Variants in RPS6KC1 observed in about 807,000 individuals in gnomAD.
The protein encoded by RPS6KC1 is inactive ribosomal protein S6 kinase delta-1.
Under a neutral mutation model 103.8 loss-of-function variants are expected in RPS6KC1, and 54 were observed. The observed-to-expected ratio is 0.52, with a 90% CI of 0.42 to 0.65. The LOEUF is 0.65. Ranked by LOEUF, RPS6KC1 falls within the 30% of genes least tolerant of loss-of-function variation. The pLI, the probability that RPS6KC1 is intolerant of heterozygous loss-of-function variation, is 0.00. For missense variants in RPS6KC1, 1,151 were observed against 1,253.8 expected, an observed-to-expected ratio of 0.92 and a Z score of 1.24; for synonymous variants, 439 against 438.7, an observed-to-expected ratio of 1.00 and a Z score of -0.01.
the RPS6KC1 span, among the ~76,000 whole-genome samples, chr1:213,314,648 C>T: frequency 6.7e-6 from 1 of 149,398 alleles, no homozygotes; most frequent in Non-Finnish European, 1.5e-5. Context: ...CTTTTTGGAC[C>T]ACGGTGGCTT....
intron 4 of RPS6KC1, among the ~76,000 whole-genome samples, chr1:213,109,102 C>T: frequency 6.6e-6 from 1 of 152,014 alleles, no homozygotes; most frequent in Non-Finnish European, 1.5e-5. Flanking sequence ...ATCTTGCAAT[C>T]CATGAAAATG....
chr1:213,562,389 T>G, the RPS6KC1 span, among the ~76,000 whole-genome samples: 3 of 96,106 alleles, frequency 3.1e-5, no homozygotes, highest in Non-Finnish European at 4.0e-5. Context: ...TTTTTTTTTT[T>G]TTTTTTTTTT....
At chr1:213,603,926 A>G in the RPS6KC1 span, among the ~76,000 whole-genome samples, 1 of 152,146 alleles carries the variant, frequency 6.6e-6, no homozygotes, top group Non-Finnish European at 1.5e-5. Flanking sequence ...CACTCCACCC[A>G]TAATTGTTGA....
At chr1:213,667,367 C>T in the RPS6KC1 span, among the ~76,000 whole-genome samples, 1 of 152,002 alleles carries the variant, frequency 6.6e-6, no homozygotes, top group Non-Finnish European at 1.5e-5. Flanking sequence ...TTTTGGCTTC[C>T]CAGTACATAT....
At chr1:213,556,305 TG>T in the RPS6KC1 span, among the ~76,000 whole-genome samples, 2 of 152,232 alleles carry the variant, frequency 1.3e-5, no homozygotes, top group African/African-American at 4.8e-5. Context: ...GGGATTTATC[TG>T]TATTTATTTA....
chr1:213,702,851 T>TGTTTG, the RPS6KC1 span, among the ~76,000 whole-genome samples: 4 of 151,348 alleles, frequency 2.6e-5, no homozygotes, highest in South Asian at 6.3e-4. Context: ...TTGAGGTTTT[T>TGTTTG]TTTGTTTGTT....
the RPS6KC1 span, among the ~76,000 whole-genome samples, chr1:213,374,738 C>G: frequency 6.6e-6 from 1 of 152,148 alleles, no homozygotes; most frequent in Admixed American, 6.5e-5. Context: ...GATAATGAAT[C>G]ACTAGAGATC....
chr1:213,541,038 G>A, the RPS6KC1 span, among the ~76,000 whole-genome samples: 86,324 of 150,450 alleles, frequency 0.57, 27,039 homozygotes, highest in Non-Finnish European at 0.7. Flanking sequence ...TACCACATCC[G>A]CAGGTCCTTC....
At chr1:213,144,751 G>A (rs956992642) in intron 6 of RPS6KC1, among the ~76,000 whole-genome samples, 1 of 151,970 alleles carries the variant, frequency 6.6e-6, no homozygotes, top group Non-Finnish European at 1.5e-5. Flanking sequence ...CAACACATAT[G>A]TAATCCTGAA....
chr1:213,330,602 A>AGTTGGTG, the RPS6KC1 span, among the ~76,000 whole-genome samples: 1 of 152,152 alleles, frequency 6.6e-6, no homozygotes, highest in Non-Finnish European at 1.5e-5. Flanking sequence ...AGAGGAGGGA[A>AGTTGGTG]GTTGGTGTTA....
At chr1:213,350,094 A>G in the RPS6KC1 span, among the ~76,000 whole-genome samples, 1 of 152,152 alleles carries the variant, frequency 6.6e-6, no homozygotes, top group Admixed American at 6.5e-5. Context: ...ACAGGATGGC[A>G]TGTTACTTCA....
chr1:213,379,233 C>A, the RPS6KC1 span, among the ~76,000 whole-genome samples: 1 of 152,246 alleles, frequency 6.6e-6, no homozygotes, highest in South Asian at 2.1e-4. Context: ...ATGATGAAGT[C>A]CTAATCCCCG....
the RPS6KC1 span, among the ~76,000 whole-genome samples, chr1:213,431,918 A>G: frequency 2.6e-5 from 4 of 152,268 alleles, no homozygotes; most frequent in Non-Finnish European, 5.9e-5. Context: ...CCAGTTGACA[A>G]CAGCAAGGTA....
intron 8 of RPS6KC1, among the ~76,000 whole-genome samples, chr1:213,188,437 A>T (rs1459770911): frequency 2.0e-5 from 3 of 151,110 alleles, no homozygotes; most frequent in African/African-American, 7.3e-5. Context: ...TTTTTTTCTT[A>T]CTTCTCCACG....
chr1:213,772,666 G>A, the RPS6KC1 span, among the ~76,000 whole-genome samples: 6,134 of 148,344 alleles, frequency 0.041, 169 homozygotes, highest in Middle Eastern at 0.083. Context: ...CAGGGAGAAC[G>A]GTTGGGCACC....
chr1:213,726,325 T>C, the RPS6KC1 span, among the ~76,000 whole-genome samples: 2 of 152,224 alleles, frequency 1.3e-5, no homozygotes, highest in Non-Finnish European at 2.9e-5. Context: ...CCCTCCTTCC[T>C]TGGCCTCACA....
the RPS6KC1 span, among the ~76,000 whole-genome samples, chr1:213,291,049 G>A: frequency 6.6e-6 from 1 of 152,134 alleles, no homozygotes; most frequent in Non-Finnish European, 1.5e-5. Context: ...TGGCTCCCAG[G>A]CAAGTTCTTT....
the RPS6KC1 span, among the ~76,000 whole-genome samples, chr1:213,321,310 C>T: frequency 3.3e-5 from 5 of 152,082 alleles, no homozygotes; most frequent in African/African-American, 7.2e-5. Flanking sequence ...CAATTCCCAC[C>T]GTATATTTTG....
At chr1:213,173,912 A>G (rs1278889794) in intron 7 of RPS6KC1, among the ~76,000 whole-genome samples, 1 of 152,118 alleles carries the variant, frequency 6.6e-6, no homozygotes, top group Non-Finnish European at 1.5e-5. Flanking sequence ...AAAGTGAACA[A>G]ATAACTTTCT....
Sources: allele counts gnomAD v4.1 joint callset (sites outside exome capture counted in the v4.1 genomes callset), GRCh38; gene constraint gnomAD v4.1.1; transcripts MANE v1.5; gene names NCBI Gene and HGNC (gene_info 2026-07-23, HGNC 2026-07-21).